Variants in SAG observed in about 807,000 individuals in gnomAD.
SAG encodes S-antigen visual arrestin.
SAG carries 45 observed loss-of-function variants against 55.0 expected under a neutral mutation model. That is an observed-to-expected ratio of 0.82 (90% CI 0.64 to 1.05). The LOEUF (loss-of-function observed/expected upper bound fraction) is 1.05, where lower values mean the gene tolerates loss of function less well. Ranked by LOEUF, SAG falls within the 50% of genes least tolerant of loss-of-function variation. The pLI, the probability that SAG is intolerant of heterozygous loss-of-function variation, is 0.00. For missense variants in SAG, 455 were observed against 512.1 expected (o/e 0.89, Z 1.08); for synonymous variants, 189 against 197.4 (o/e 0.96, Z 0.36).
chr2:233,320,600 A>T, intron 4 of SAG, 30 bp from the exon 5 acceptor site: 14 of 1,536,754 alleles, frequency 9.1e-6, no homozygotes, highest in Non-Finnish European at 1.2e-5. Flanking sequence ...CCGAGGGCCA[A>T]GTCCGACCCT....
chr2:233,315,154 T>G (rs866262252), intron 2 of SAG, among the ~76,000 whole-genome samples: 2 of 152,186 alleles, frequency 1.3e-5, no homozygotes, highest in Non-Finnish European at 2.9e-5. Flanking sequence ...TGGGCCCAGA[T>G]GATGGCCATC....
At chr2:233,330,480 CCTTCCTTCCTTCCTT>C (rs1700718286) in intron 9 of SAG, among the ~76,000 whole-genome samples, 1 of 20,090 alleles carries the variant, frequency 5.0e-5, no homozygotes, top group Non-Finnish European at 1.1e-4. Flanking sequence ...TCCCTCCCTT[CCTTCCTTCCTTCCTT>C]CCTTCCTTCC....
intron 5 of SAG, among the ~76,000 whole-genome samples, chr2:233,321,267 C>T (rs532849407): frequency 6.6e-6 from 1 of 152,226 alleles, no homozygotes; most frequent in Admixed American, 6.5e-5. Flanking sequence ...TCTGGGGGCC[C>T]GTCTGTCATC....
rs564064402 is a variant in SAG at position 233,341,541 on chromosome 2, A to G, written c.1047-730A>G. 4.4e-4 allele frequency among the ~76,000 whole-genome samples: 67 copies of G among 152,372 alleles called. 2 individuals are homozygous for G. In the South Asian group the frequency reaches 0.014, roughly 31 times the overall value. ...ATGGAGTACTAGTACATGCTACAAC[A>G]TGGATAAACCTTATACTAATAACAC... is the stretch of plus-strand genomic sequence containing the variant. On this transcript the variant is annotated intron_variant, in intron 13 of 15. Transcript: ENST00000409110.
chr2:233,342,228 G>C, intron 13 of SAG, 43 bp from the exon 14 acceptor site: 2 of 1,464,054 alleles, frequency 1.4e-6, no homozygotes, highest in Non-Finnish European at 1.9e-6. Context: ...ACTTACAATT[G>C]TGTGTATGGG....
intron 10 of SAG, chr2:233,333,600 T>A (rs1193860674): frequency 6.6e-6 from 1 of 152,204 alleles, no homozygotes; most frequent in East Asian, 1.9e-4. Flanking sequence ...AGGACAGACC[T>A]GACTCCCAAG....
At chr2:233,341,588 A>G (rs942916060) in intron 13 of SAG, among the ~76,000 whole-genome samples, 4 of 152,264 alleles carry the variant, frequency 2.6e-5, no homozygotes, top group Non-Finnish European at 2.9e-5. Context: ...AAAGAAACCA[A>G]TAACAAAAGG....
chr2:233,308,208 C>G (rs1022377486), intron 1 of SAG, among the ~76,000 whole-genome samples, 186 bp downstream of exon 1: 37 of 152,142 alleles, frequency 2.4e-4, no homozygotes, highest in African/African-American at 8.7e-4. Flanking sequence ...GCCTATAGTC[C>G]CAGTGACTCA....
chr2:233,310,546 GTCACC>G (rs1700051270), intron 2 of SAG, among the ~76,000 whole-genome samples: 2 of 128,536 alleles, frequency 1.6e-5, no homozygotes, highest in Non-Finnish European at 3.1e-5. Context: ...GTCTCACTCT[GTCACC>G]GAGGCTGGAG....
intron 13 of SAG, among the ~76,000 whole-genome samples, chr2:233,341,292 C>T (rs771239499): frequency 4.6e-5 from 7 of 152,136 alleles, no homozygotes; most frequent in Admixed American, 2.0e-4. Flanking sequence ...TACAGGTGCA[C>T]GCCACTATGC....
At chr2:233,327,453 GT>G (rs1700598938) in intron 7 of SAG, 2 of 366,372 alleles carry the variant, frequency 5.5e-6, no homozygotes, top group Non-Finnish European at 1.0e-5. Flanking sequence ...CTTTGTTGAA[GT>G]TTTGTTGTTG....
Position 233,316,101 on chromosome 2 carries a change from C to T in SAG, c.102C>T (p.Asp34=). 1 of 1,598,578 alleles carries T rather than the reference C, an allele frequency of 6.3e-7. No individual in the cohort carries two copies. The highest frequency in any genetic ancestry group is 8.5e-7 in the Non-Finnish European group (1 of 1,170,768). Residue 34 remains aspartate, a synonymous_variant, in exon 3 of 16, where the codon GAC becomes GAT. Transcript: ENST00000409110. The part of the protein sequence containing the change: ...KSVTIYLGNR[D]YIDHVSQVQP... ...TGACCATCTACCTGGGGAACAGAGACTACATAGACCATGTCAGCCAAGTCC... is the reference window on the plus strand; with the variant it reads ...TGACCATCTACCTGGGGAACAGAGATTACATAGACCATGTCAGCCAAGTCC...
At chr2:233,318,916 A>T in intron 4 of SAG, 121 bp downstream of exon 4, 1 of 865,990 alleles carries the variant, frequency 1.2e-6, no homozygotes, top group Non-Finnish European at 2.0e-6. Context: ...GCGCTCTTGC[A>T]CATGGAACCA....
At chr2:233,327,535 CT>C (rs143230331) in intron 7 of SAG, 15 of 189,852 alleles carry the variant, frequency 7.9e-5, no homozygotes, top group East Asian at 6.8e-4. Context: ...ATTTTAACCA[CT>C]TTTTTTTCTT....
At chr2:233,338,988 C>T (rs1052487823) in intron 12 of SAG, 26 of 612,082 alleles carry the variant, frequency 4.2e-5, no homozygotes, top group Middle Eastern at 8.1e-4. Flanking sequence ...GCATTCTTAG[C>T]GCCACTTTGC....
rs1483109055 is a variant in SAG, at chr2:233,318,764, G to A, written c.150G>A (p.Leu50=). The A allele has an allele frequency of 1.2e-5, 19 of 1,613,876 alleles. No individual in the cohort carries two copies. Among genetic ancestry groups the A allele is most frequent in the Non-Finnish European group, 1.6e-5 (19 of 1,179,778 alleles). The part of the protein sequence containing the change: ...SQVQPVDGVV[L]VDPDLVKGKK... ...CTTTTGCCTTAGATGGTGTCGTGTT[G>A]GTTGATCCTGATCTTGTGAAGGGAA... The change falls in exon 4 of 16, where the codon TTG becomes TTA. Residue 50 remains leucine, a synonymous_variant. Coordinates refer to ENST00000409110, the MANE Select transcript of SAG (RefSeq NM_000541.5).
chr2:233,343,372 G>A lies in SAG; in HGVS notation c.1102+1046G>A, dbSNP rs140274987. 711 of 181,098 alleles carry A rather than the reference G, an allele frequency of 3.9e-3. 4 individuals carry two copies. The highest frequency in any genetic ancestry group is 0.015 in the African/African-American group (646 of 41,790). 11.2% of individuals were successfully genotyped at this position (181,098 alleles called of 1,614,324 possible). ...TGCTGGGATTACAGGCGTGAGTCAC[G>A]GCGCCCGGCCTGAAGATAACTATTT... is the stretch of plus-strand genomic sequence containing the variant. On this transcript the variant is annotated intron_variant, in intron 14 of 15. Coordinates refer to ENST00000409110, the MANE Select transcript of SAG (RefSeq NM_000541.5).
chr2:233,346,680 G>GT, intron 15 of SAG, 127 bp from the exon 16 acceptor site: 1 of 767,950 alleles, frequency 1.3e-6, no homozygotes, highest in Non-Finnish European at 2.2e-6. Flanking sequence ...GGAAAATGGC[G>GT]TGCCCCCATG....
At chr2:233,310,040 C>T (rs1345739239) in intron 2 of SAG, among the ~76,000 whole-genome samples, 2 of 152,200 alleles carry the variant, frequency 1.3e-5, no homozygotes, top group Non-Finnish European at 2.9e-5. Flanking sequence ...CAGCTGGGCC[C>T]GCAGGGCCAT....
Sources: gnomAD v4.1 joint callset for allele counts (sites outside exome capture counted in the v4.1 genomes callset) on GRCh38, gnomAD v4.1.1 for gene constraint, MANE v1.5 for transcripts, NCBI Gene and HGNC (gene_info 2026-07-23, HGNC 2026-07-21) for gene names.